The following PCLO variants were observed in gnomAD, a reference collection of about 807,000 sequenced individuals.
PCLO encodes the protein piccolo presynaptic cytomatrix protein.
PCLO carries 82 observed loss-of-function variants against 427.5 expected under a neutral mutation model. The observed-to-expected ratio is 0.19, with a 90% confidence interval of 0.16 to 0.23. The LOEUF is 0.23. PCLO is among the 10% of genes least tolerant of loss of function. The pLI, the probability that PCLO is intolerant of heterozygous loss-of-function variation, is 1.00. For missense variants in PCLO, 6,239 were observed against 6,115.9 expected, an observed-to-expected ratio of 1.02 and a Z score of -0.67; for synonymous variants, 2,357 against 2,155.4, an observed-to-expected ratio of 1.09 and a Z score of -2.59.
Position 82,928,987 on chromosome 7 carries a change from A to T in PCLO, c.11113-12114T>A, listed in dbSNP as rs148727350. Reference sequence around the variant, plus strand: ...TAAAACCAGAGAGGATGAACTCTTTACGGCTTGCTAACTGAGATACAAGGT... The same window carrying T: ...TAAAACCAGAGAGGATGAACTCTTTTCGGCTTGCTAACTGAGATACAAGGT... On this transcript the variant is annotated intron_variant, in intron 6 of 24. Transcript: ENST00000333891. 8.8e-4 allele frequency among the ~76,000 whole-genome samples: 134 copies of T among 152,238 alleles called. 1 individual carries two copies. The highest frequency in any genetic ancestry group is 3.1e-3 in the African/African-American group (127 of 41,562).
At chr7:82,949,263 A>ACACACACACACACAAGCG (rs1554358954) in intron 6 of PCLO, among the ~76,000 whole-genome samples, 1 of 151,926 alleles carries the variant, frequency 6.6e-6, no homozygotes, top group African/African-American at 2.4e-5. Context: ...TCCTACACAC[A>ACACACACACACACAAGCG]CACACACACA....
At chr7:82,885,194 G>C (rs1418041909) in intron 9 of PCLO, among the ~76,000 whole-genome samples, 1 of 152,140 alleles carries the variant, frequency 6.6e-6, no homozygotes, top group African/African-American at 2.4e-5. Flanking sequence ...TAGAGTGAGA[G>C]ATTTACTCCT....
At chr7:82,958,562 G>A (rs1441970036) in intron 4 of PCLO, among the ~76,000 whole-genome samples, 1 of 152,098 alleles carries the variant, frequency 6.6e-6, no homozygotes, top group African/African-American at 2.4e-5. Flanking sequence ...AATTTACAAT[G>A]TTACTCAATT....
rs773518506 is a variant in PCLO at position 82,954,942 on chromosome 7, A to C, written c.6011T>G (p.Met2004Arg). The C allele has an allele frequency of 6.2e-7, 1 of 1,613,756 alleles. No homozygotes were observed. Among genetic ancestry groups the C allele is most frequent in the Non-Finnish European group, 8.5e-7 (1 of 1,179,838 alleles). ...TTTCTGGAGGTCTGTAATTTTCTGC[A>C]TAGGATCTTCATAAATCTGTTCTGA... ...RLSEQIYEDP[M>R]QKITDLQKEF... Residue 2004 changes from methionine to arginine, a missense_variant, in exon 5 of 25, where the codon ATG (methionine) becomes AGG (arginine). This residue lies in a region of PCLO where 4,677 missense variants were observed against 4,468.4 expected (regional missense o/e 1.05). Coordinates refer to ENST00000333891, the MANE Select transcript of PCLO (RefSeq NM_033026.6).
At chr7:82,842,136 A>T (rs144583175) in intron 13 of PCLO, among the ~76,000 whole-genome samples, 226 of 152,292 alleles carry the variant, frequency 1.5e-3, no homozygotes, top group African/African-American at 5.1e-3. Flanking sequence ...CTTGATTTCA[A>T]AATCTACTAC....
chr7:83,086,720 A>G (rs916876668), intron 3 of PCLO, among the ~76,000 whole-genome samples: 3 of 152,152 alleles, frequency 2.0e-5, no homozygotes, highest in African/African-American at 7.2e-5. Flanking sequence ...AATAATTCTG[A>G]AAAAGAAATC....
At position 82,801,608 on chromosome 7, in the gene PCLO, T is replaced by A. The variant is rs1444579807; in HGVS notation, c.14934-17A>T. 1.4e-6 allele frequency: 2 copies of A among 1,436,550 alleles called. No homozygotes were observed. The highest frequency in any genetic ancestry group is 2.0e-6 in the Non-Finnish European group (2 of 1,021,064). 89.0% of individuals were successfully genotyped at this position (1,436,550 alleles called of 1,614,324 possible). A position where few individuals can be genotyped will look rare whatever the true frequency, so the allele number is the denominator to read the frequency against. On this transcript the variant is annotated splice_polypyrimidine_tract_variant and intron_variant, in intron 21 of 24. Transcript: ENST00000333891. The stretch of plus-strand genomic sequence containing the variant: ...ATCTTCCCTCTGTTTAGAAATAAAA[T>A]AAAATGATATATTCAGTTATGATCT...
chr7:83,158,609 T>G (rs566016703), intron 1 of PCLO, among the ~76,000 whole-genome samples: 1 of 152,126 alleles, frequency 6.6e-6, no homozygotes, highest in African/African-American at 2.4e-5. Flanking sequence ...AATATTTCAC[T>G]TAATCCATCA....
intron 3 of PCLO, among the ~76,000 whole-genome samples, chr7:82,976,418 T>C (rs897461288): frequency 6.6e-6 from 1 of 152,178 alleles, no homozygotes; most frequent in South Asian, 2.1e-4. Flanking sequence ...CAACTGTGTA[T>C]GAACAAATCT....
intron 6 of PCLO, among the ~76,000 whole-genome samples, chr7:82,927,221 C>T (rs999300797): frequency 6.6e-6 from 1 of 152,124 alleles, no homozygotes; most frequent in East Asian, 1.9e-4. Flanking sequence ...TTGTACACTG[C>T]CTTTGGGGTT....
rs757022758 is a variant in PCLO, at chr7:82,805,751, C to G, written c.14870G>C (p.Ser4957Thr). The G allele has an allele frequency of 1.2e-6, 2 of 1,612,218 alleles. No homozygotes were observed. Among genetic ancestry groups the G allele is most frequent in the Non-Finnish European group, 1.7e-6 (2 of 1,179,184 alleles). ...GCTGCTGCTTCCTTCACTGTCCACG[C>G]TATACCCACTGCCAAAGCTGCTGCC... Reference protein sequence around the residue: ...SSGSSFGSGYSVDSEGSSSTA... With the variant: ...SSGSSFGSGYTVDSEGSSSTA... Residue 4957 changes from serine (S) to threonine (T), a missense_variant, in exon 21 of 25, where the codon AGC becomes ACC. Ser to Thr is a moderately conservative substitution (Grantham distance 58). This residue lies in a region of PCLO where 877 missense variants were observed against 925.5 expected (regional missense o/e 0.95). Coordinates refer to ENST00000333891, the MANE Select transcript of PCLO (RefSeq NM_033026.6).
intron 10 of PCLO, among the ~76,000 whole-genome samples, chr7:82,848,306 T>C (rs1181707433): frequency 3.8e-5 from 4 of 105,768 alleles, no homozygotes; most frequent in African/African-American, 1.7e-4. Flanking sequence ...ATTAGTTAGT[T>C]TTTTTTTTTT....
rs930636770 is a variant in PCLO, at chr7:82,953,095, A to C, written c.7858T>G (p.Phe2620Val). 4 of 1,613,944 alleles carry C rather than the reference A, an allele frequency of 2.5e-6. No homozygotes were observed. The Admixed American group carries it at 6.7e-5, about 27-fold the overall frequency. The change falls in exon 5 of 25, where the codon TTT (phenylalanine) becomes GTT (valine). Residue 2620 changes from phenylalanine to valine, a missense_variant. Phe to Val is a conservative substitution (Grantham distance 50, BLOSUM62 -1). Transcript: ENST00000333891. ...SKDLVSVEPV[F>V]SVVPPVTAVE... is the part of the protein sequence containing the mutation. The stretch of plus-strand genomic sequence containing the variant: ...GCTGTCACAGGAGGAACTACAGAAA[A>C]CACAGGTTCAACAGAAACCAGATCT...
At chr7:82,798,955 A>G (rs568690569) in intron 22 of PCLO, among the ~76,000 whole-genome samples, 1 of 152,270 alleles carries the variant, frequency 6.6e-6, no homozygotes, top group Admixed American at 6.5e-5. Flanking sequence ...AAGGGGAAAC[A>G]TATTGACTCA....
Position 82,889,426 on chromosome 7 carries a change from A to C in PCLO, c.13529-9964T>G, listed in dbSNP as rs571352427. Reference sequence around the variant, plus strand: ...TAATACTTAGAGCAACATGATATAAAATTTGGCTTCTGAACTAAGTTACAA... The same window carrying C: ...TAATACTTAGAGCAACATGATATAACATTTGGCTTCTGAACTAAGTTACAA... On this transcript the variant is annotated intron_variant, in intron 9 of 24. Coordinates refer to ENST00000333891, the MANE Select transcript of PCLO (RefSeq NM_033026.6). Among the ~76,000 whole-genome samples the C allele has an allele frequency of 5.3e-5, 8 of 152,278 alleles. No homozygotes were observed. The South Asian group carries it at 1.7e-3, about 32-fold the overall frequency.
At chr7:82,765,978 C>A (rs1270781364) in intron 22 of PCLO, among the ~76,000 whole-genome samples, 3 of 151,944 alleles carry the variant, frequency 2.0e-5, no homozygotes, top group Non-Finnish European at 2.9e-5. Flanking sequence ...ACAGAAAACC[C>A]AAAGAAGTGA....
At chr7:83,025,330 G>A (rs375700799) in intron 3 of PCLO, among the ~76,000 whole-genome samples, 78 of 151,178 alleles carry the variant, frequency 5.2e-4, no homozygotes, top group South Asian at 5.0e-3. Context: ...GAGCCGATGC[G>A]ATCAACTGGA....
At chr7:82,863,738 T>C (rs1054758955) in intron 10 of PCLO, among the ~76,000 whole-genome samples, 3 of 152,076 alleles carry the variant, frequency 2.0e-5, no homozygotes, top group Non-Finnish European at 2.9e-5. Flanking sequence ...CTTTCTCTAA[T>C]TGTAAATAGG....
chr7:83,113,786 C>A (rs1448946343), intron 3 of PCLO, among the ~76,000 whole-genome samples: 2 of 151,548 alleles, frequency 1.3e-5, no homozygotes, highest in Non-Finnish European at 2.9e-5. Context: ...TTAAGTGCTA[C>A]AAACAAAAGA....
Sources: allele counts gnomAD v4.1 joint callset (sites outside exome capture counted in the v4.1 genomes callset), GRCh38; gene constraint gnomAD v4.1.1; regional missense constraint gnomAD v4.1.1; transcripts MANE v1.5; gene names NCBI Gene and HGNC (gene_info 2026-07-23, HGNC 2026-07-21).